Variants in PXDNL observed in about 807,000 individuals in gnomAD.
PXDNL encodes probable oxidoreductase PXDNL.
Under a neutral mutation model 150.8 loss-of-function variants are expected in PXDNL, and 145 were observed. That is an observed-to-expected ratio of 0.96 (90% confidence interval 0.84 to 1.10). PXDNL has a LOEUF of 1.10. Ranked by LOEUF, PXDNL falls within the 50% of genes least tolerant of loss-of-function variation. PXDNL has a pLI of 0.00. For synonymous variants in PXDNL, 757 were observed against 725.7 expected (o/e 1.04, Z -0.69); for missense variants, 2,087 against 1,873.9 (o/e 1.11, Z -2.10).
intron 1 of PXDNL, among the ~76,000 whole-genome samples, chr8:51,759,046 G>C (rs545912149): frequency 1.3e-5 from 2 of 152,282 alleles, no homozygotes; most frequent in African/African-American, 4.8e-5. Flanking sequence ...GAATAGAATG[G>C]ACCATGAGAA....
intron 21 of PXDNL, among the ~76,000 whole-genome samples, chr8:51,322,597 A>G (rs547120345): frequency 2.0e-5 from 3 of 152,242 alleles, no homozygotes; most frequent in African/African-American, 7.2e-5. Context: ...CATGGAGACC[A>G]ATATGGGCTC....
intron 9 of PXDNL, among the ~76,000 whole-genome samples, chr8:51,457,024 T>C (rs1809951164): frequency 6.6e-6 from 1 of 152,242 alleles, no homozygotes; most frequent in Non-Finnish European, 1.5e-5. Context: ...GCAGTCATTA[T>C]GTCTGGTTTA....
chr8:51,649,211 A>G (rs910344245), intron 2 of PXDNL, among the ~76,000 whole-genome samples: 5 of 152,092 alleles, frequency 3.3e-5, no homozygotes, highest in African/African-American at 9.7e-5. Flanking sequence ...ATGCTCGAGG[A>G]AAAAAACGGC....
intron 12 of PXDNL, among the ~76,000 whole-genome samples, chr8:51,441,734 A>T (rs1454119182): frequency 6.6e-6 from 1 of 152,194 alleles, no homozygotes; most frequent in Non-Finnish European, 1.5e-5. Context: ...TGGTGACTTA[A>T]GCTATCTTTC....
At chr8:51,403,414 C>T (rs1044974077) in intron 17 of PXDNL, among the ~76,000 whole-genome samples, 1 of 152,130 alleles carries the variant, frequency 6.6e-6, no homozygotes, top group Non-Finnish European at 1.5e-5. Flanking sequence ...TCCCGGAACT[C>T]CTCTGCTGTC....
chr8:51,466,359 A>C (rs943482232), intron 8 of PXDNL, among the ~76,000 whole-genome samples: 7 of 152,198 alleles, frequency 4.6e-5, no homozygotes, highest in African/African-American at 1.4e-4. Context: ...AGAAAGATGA[A>C]ACGAGACCCC....
At chr8:51,601,970 T>C (rs906264726) in intron 2 of PXDNL, among the ~76,000 whole-genome samples, 3 of 152,134 alleles carry the variant, frequency 2.0e-5, no homozygotes, top group African/African-American at 7.2e-5. Flanking sequence ...TTATTTCTCC[T>C]TCATTTATGA....
At chr8:51,534,794 T>G (rs1387698172) in intron 4 of PXDNL, among the ~76,000 whole-genome samples, 7 of 43,120 alleles carry the variant, frequency 1.6e-4, no homozygotes, top group Non-Finnish European at 2.2e-4. Flanking sequence ...GGGAGGGAGG[T>G]GGGGGGGTCA....
At chr8:51,708,482 C>A (rs1340173379) in intron 1 of PXDNL, among the ~76,000 whole-genome samples, 3 of 152,160 alleles carry the variant, frequency 2.0e-5, no homozygotes, top group African/African-American at 7.2e-5. Flanking sequence ...AGAAACAGAA[C>A]CCTTATGAAC....
In PXDNL at chr8:51,528,481, G is replaced by A. The variant is rs1339876137; in HGVS notation, c.380+28359C>T. 3.3e-5 allele frequency among the ~76,000 whole-genome samples: 5 copies of A among 152,290 alleles called. No individual in the cohort carries two copies. The East Asian group carries it at 9.6e-4, about 29-fold the overall frequency. On this transcript the variant is annotated intron_variant, in intron 4 of 22. Coordinates refer to ENST00000356297, the MANE Select transcript of PXDNL (RefSeq NM_144651.5). Reference sequence around the variant, plus strand: ...CATTAAATTGTGTTACATGTTTAATGTTGTTATAGACAGCCCCTCAAAGAT... The same window carrying A: ...CATTAAATTGTGTTACATGTTTAATATTGTTATAGACAGCCCCTCAAAGAT...
chr8:51,361,001 G>T (rs1028878506), intron 19 of PXDNL, among the ~76,000 whole-genome samples: 1 of 152,142 alleles, frequency 6.6e-6, no homozygotes, highest in Non-Finnish European at 1.5e-5. Flanking sequence ...GTCAGAAGTG[G>T]GACCTGAAGT....
intron 2 of PXDNL, among the ~76,000 whole-genome samples, chr8:51,618,865 C>A (rs948424282): frequency 1.3e-5 from 2 of 152,134 alleles, no homozygotes; most frequent in East Asian, 1.9e-4. Context: ...CAAAAAATGT[C>A]GGTGGTTCTT....
At chr8:51,486,810 T>A (rs1412290698) in intron 5 of PXDNL, among the ~76,000 whole-genome samples, 8 of 93,802 alleles carry the variant, frequency 8.5e-5, no homozygotes, top group African/African-American at 2.7e-4. Context: ...TTTTTTTTTT[T>A]TTTTTTTTTT....
chr8:51,363,000 A>G (rs1806802536), intron 19 of PXDNL, among the ~76,000 whole-genome samples: 2 of 152,188 alleles, frequency 1.3e-5, no homozygotes, highest in African/African-American at 4.8e-5. Context: ...AGTGATCTGG[A>G]CAGATGGCCA....
chr8:51,518,610 C>T (rs191967062), intron 4 of PXDNL, among the ~76,000 whole-genome samples: 28 of 152,188 alleles, frequency 1.8e-4, no homozygotes, highest in Non-Finnish European at 3.4e-4. Flanking sequence ...GGGAAAATAG[C>T]ATAAATCATA....
rs1033926185 is a variant in PXDNL, at chr8:51,792,206, A to C, written c.164+16975T>G. 5.3e-5 allele frequency among the ~76,000 whole-genome samples: 8 copies of C among 152,090 alleles called. No individual in the cohort carries two copies. In the East Asian group the frequency reaches 1.6e-3, roughly 30 times the overall value. On this transcript the variant is annotated intron_variant, in intron 1 of 22. Transcript: ENST00000356297. ...CTGAGAAGAATGAAAATGGCGAGTG[A>C]ATCCTGCACCACAACTGAGGTATCG...
At chr8:51,543,640 A>G (rs1225573965) in intron 4 of PXDNL, among the ~76,000 whole-genome samples, 2 of 140,248 alleles carry the variant, frequency 1.4e-5, no homozygotes, top group Non-Finnish European at 3.1e-5. Context: ...TGAATCTGGG[A>G]GGTGGAGGTC....
intron 3 of PXDNL, among the ~76,000 whole-genome samples, chr8:51,568,466 C>T (rs1256823540): frequency 6.6e-6 from 1 of 151,708 alleles, no homozygotes; most frequent in Non-Finnish European, 1.5e-5. Flanking sequence ...CTGAGAAGTC[C>T]AGTGTAATTT....
At chr8:51,769,966 C>A (rs563907369) in intron 1 of PXDNL, among the ~76,000 whole-genome samples, 15 of 152,240 alleles carry the variant, frequency 9.9e-5, no homozygotes, top group Non-Finnish European at 1.5e-4. Flanking sequence ...GGTCAGAGGG[C>A]CAAAATCTCC....
Sources: allele counts gnomAD v4.1 joint callset (sites outside exome capture counted in the v4.1 genomes callset), GRCh38; gene constraint gnomAD v4.1.1; transcripts MANE v1.5; gene names NCBI Gene and HGNC (gene_info 2026-07-23, HGNC 2026-07-21).